FLRT1: variants seen among roughly 807,000 people sequenced by gnomAD.
FLRT1 encodes the protein fibronectin leucine rich transmembrane protein 1.
FLRT1 carries 14 observed loss-of-function variants against 30.9 expected under a neutral mutation model. The observed-to-expected ratio is 0.45, with a 90% CI of 0.30 to 0.71. The LOEUF (loss-of-function observed/expected upper bound fraction) is 0.71, where lower values mean the gene tolerates loss of function less well. Ranked by LOEUF, FLRT1 falls within the 30% of genes least tolerant of loss-of-function variation. The pLI is 0.08. For missense variants in FLRT1, 737 were observed against 949.2 expected (o/e 0.78, Z 2.94); for synonymous variants, 368 against 430.4 (o/e 0.85, Z 1.80).
At chr11:64,057,869 G>A (rs946813117) in intron 1 of FLRT1, among the ~76,000 whole-genome samples, 1 of 152,234 alleles carries the variant, frequency 6.6e-6, no homozygotes, top group Admixed American at 6.5e-5. Context: ...ACCGAGGCAC[G>A]AATTCGTGAG....
intron 2 of FLRT1, among the ~76,000 whole-genome samples, chr11:64,105,281 TC>T: frequency 6.6e-6 from 1 of 152,230 alleles, no homozygotes; most frequent in East Asian, 1.9e-4. Context: ...CTAGGAGGGC[TC>T]GGGGGTCATT....
At chr11:64,050,484 G>A (rs1943672585) in intron 1 of FLRT1, among the ~76,000 whole-genome samples, 1 of 152,210 alleles carries the variant, frequency 6.6e-6, no homozygotes, top group African/African-American at 2.4e-5. Context: ...TCCTGGCTGT[G>A]TGGCCATGGA....
At chr11:64,075,629 C>T (rs1053057266) in intron 1 of FLRT1, among the ~76,000 whole-genome samples, 1 of 152,238 alleles carries the variant, frequency 6.6e-6, no homozygotes, top group African/African-American at 2.4e-5. Flanking sequence ...ACCTACACAG[C>T]TCTGGCTGAG....
chr11:64,095,157 ACT>A (rs1270420217), intron 1 of FLRT1, among the ~76,000 whole-genome samples: 2 of 152,010 alleles, frequency 1.3e-5, no homozygotes, highest in African/African-American at 2.4e-5. Context: ...ACGACATTCC[ACT>A]CTCGTGTGAG....
chr11:64,043,390 T>A (rs1255289859), intron 1 of FLRT1, among the ~76,000 whole-genome samples: 1 of 152,106 alleles, frequency 6.6e-6, no homozygotes, highest in Non-Finnish European at 1.5e-5. Context: ...AGCCCCGAGG[T>A]CTGGGGCCCA....
At position 64,096,367 on chromosome 11, in the gene FLRT1, A is replaced by T. The variant is rs1944576446; in HGVS notation, c.-1037-6827A>T. On this transcript the variant is annotated intron_variant, in intron 1 of 2. Coordinates refer to ENST00000682287, the MANE Select transcript of FLRT1 (RefSeq NM_013280.5). This position sits in a 1 kb window ranked among gnomAD's most constrained non-coding sequence, Gnocchi z 4.6. The stretch of plus-strand genomic sequence containing the variant: ...CTAATGGGCACGGGCGACGCATTAC[A>T]GTGAGGTCTGCCAGGTAGAGCTGGC... Among the ~76,000 whole-genome samples, 1 of 151,336 alleles carries T rather than the reference A, an allele frequency of 6.6e-6. No individual in the cohort carries two copies. The highest frequency in any genetic ancestry group is 2.4e-5 in the African/African-American group (1 of 41,196).
At chr11:64,083,640 G>C (rs1944341230) in intron 1 of FLRT1, among the ~76,000 whole-genome samples, 1 of 152,220 alleles carries the variant, frequency 6.6e-6, no homozygotes, top group Non-Finnish European at 1.5e-5. Context: ...AGTAATGAGA[G>C]GCCGCAGTGA....
At chr11:64,110,890 C>T (rs1251423611) in intron 2 of FLRT1, among the ~76,000 whole-genome samples, 2 of 152,194 alleles carry the variant, frequency 1.3e-5, no homozygotes, top group East Asian at 3.9e-4. Flanking sequence ...TGCTATCTTC[C>T]TCCCCACCCC....
chr11:64,065,765 G>T (rs1455513493), intron 1 of FLRT1, among the ~76,000 whole-genome samples: 1 of 146,156 alleles, frequency 6.8e-6, no homozygotes, highest in Non-Finnish European at 1.5e-5. Context: ...ACTCCAGCCT[G>T]GGCGACAGAG....
intron 1 of FLRT1, among the ~76,000 whole-genome samples, chr11:64,086,288 G>A (rs1272635311): frequency 6.6e-6 from 1 of 151,968 alleles, no homozygotes; most frequent in Non-Finnish European, 1.5e-5. Flanking sequence ...TGTGGTTTTA[G>A]GAGGCGTAAA....
At chr11:64,099,621 AGGAT>A (rs1299077911) in intron 1 of FLRT1, among the ~76,000 whole-genome samples, 1 of 151,622 alleles carries the variant, frequency 6.6e-6, no homozygotes, top group Non-Finnish European at 1.5e-5. Context: ...CAGAGATGGA[AGGAT>A]GGATGGATGG....
chr11:64,117,965 C>T lies in FLRT1; in HGVS notation c.1698C>T (p.Leu566=), dbSNP rs1279790954. ...IIGGAVALVF[L]FLVLGAICWY... ...GCGGGGCAGTGGCTCTGGTCTTCCT[C>T]TTCCTGGTCCTGGGGGCCATCTGCT... The change falls in exon 3 of 3, where the codon CTC becomes CTT. Residue 566 remains leucine, a synonymous_variant. Coordinates refer to ENST00000682287, the MANE Select transcript of FLRT1 (RefSeq NM_013280.5). 6.2e-7 allele frequency: 1 copy of T among 1,613,684 alleles called. No homozygotes were observed. The highest frequency in any genetic ancestry group is 1.3e-5 in the African/African-American group (1 of 74,956).
intron 2 of FLRT1, among the ~76,000 whole-genome samples, chr11:64,107,576 T>C (rs1448771527): frequency 1.3e-5 from 2 of 152,232 alleles, no homozygotes; most frequent in African/African-American, 2.4e-5. Flanking sequence ...AGCTGATGCA[T>C]AATGCATGCA....
rs1944980461 is a variant in FLRT1, at chr11:64,116,354, G to A, written c.87G>A (p.Met29Ile). ...TATVVMTTAT[M>I]DLRDWLFLCY... ...CCGTTGTGATGACCACGGCCACCAT[G>A]GACCTGCGGGACTGGCTGTTCCTCT... Residue 29 changes from methionine to isoleucine, a missense_variant, in exon 3 of 3, where the codon ATG becomes ATA. Physicochemically the swap from Met to Ile is conservative, Grantham distance 10. Transcript: ENST00000682287. The A allele has an allele frequency of 8.7e-6, 14 of 1,612,970 alleles. No individual in the cohort carries two copies. The East Asian group carries it at 3.1e-4, about 36-fold the overall frequency.
chr11:64,100,021 G>C (rs1944644299), intron 1 of FLRT1, among the ~76,000 whole-genome samples: 1 of 152,148 alleles, frequency 6.6e-6, no homozygotes, highest in Non-Finnish European at 1.5e-5. Context: ...GAGTAGTGCA[G>C]CAAGAAGGAA....
chr11:64,067,921 G>A lies in FLRT1; in HGVS notation c.-1038+31762G>A, dbSNP rs1372342291. ...TCGCTCGGCTTTTAGGAGGGGGCTG[G>A]CGGTGAACCCATCCCCGTTACAATG... On this transcript the variant is annotated intron_variant, in intron 1 of 2. Transcript: ENST00000682287. This position sits in a 1 kb window ranked among gnomAD's most constrained non-coding sequence, Gnocchi z 4.6. Among the ~76,000 whole-genome samples, 1 of 152,088 alleles carries A rather than the reference G, an allele frequency of 6.6e-6. No homozygotes were observed. Among genetic ancestry groups the A allele is most frequent in the Admixed American group, 6.5e-5 (1 of 15,276 alleles).
intron 1 of FLRT1, among the ~76,000 whole-genome samples, chr11:64,076,208 T>C (rs1201151971): frequency 6.6e-6 from 1 of 152,102 alleles, no homozygotes; most frequent in Non-Finnish European, 1.5e-5. Flanking sequence ...TGCCCCTCCA[T>C]CTCACCATGC....
chr11:64,044,761 C>T (rs2134396316), intron 1 of FLRT1, among the ~76,000 whole-genome samples: 1 of 152,260 alleles, frequency 6.6e-6, no homozygotes, highest in African/African-American at 2.4e-5. Context: ...TGGTATCTGT[C>T]ATGCTCCCCC....
chr11:64,112,852 C>A (rs1165431459), intron 2 of FLRT1, among the ~76,000 whole-genome samples: 1 of 152,218 alleles, frequency 6.6e-6, no homozygotes, highest in Admixed American at 6.5e-5. Context: ...GTGGTGGCTG[C>A]CTGGGCAGAG....
Sources: gnomAD v4.1 joint callset for allele counts (sites outside exome capture counted in the v4.1 genomes callset) on GRCh38, gnomAD v4.1.1 for gene constraint, Gnocchi (gnomAD v3.1) non-coding constraint, MANE v1.5 for transcripts, NCBI Gene and HGNC (gene_info 2026-07-23, HGNC 2026-07-21) for gene names.